CC2D2A: variants seen among roughly 807,000 people sequenced by gnomAD.
CC2D2A encodes coiled-coil and C2 domain containing 2A, also known as coiled-coil and C2 domain-containing protein 2A.
A neutral mutation model predicts 212.9 loss-of-function variants in CC2D2A; 155 were observed. The ratio of observed to expected loss-of-function variants is 0.73; its 90% confidence interval spans 0.64 to 0.83. The LOEUF (loss-of-function observed/expected upper bound fraction) is 0.83. Among genes scored for constraint, CC2D2A ranks in the 40% least tolerant of loss-of-function variants. CC2D2A has a pLI of 0.00. For missense variants in CC2D2A, 1,856 were observed against 1,956.2 expected, an observed-to-expected ratio of 0.95 and a Z score of 0.97; for synonymous variants, 667 against 686.5, an observed-to-expected ratio of 0.97 and a Z score of 0.44.
intron 2 of CC2D2A, among the ~76,000 whole-genome samples, chr4:15,478,478 G>A (rs1714386633): frequency 6.6e-6 from 1 of 152,170 alleles, no homozygotes; most frequent in South Asian, 2.1e-4. Flanking sequence ...TGAGGACCTG[G>A]AACAATGGAA....
chr4:15,576,384 TAG>T (rs1443967572), intron 29 of CC2D2A: 6 of 984,708 alleles, frequency 6.1e-6, no homozygotes, highest in East Asian at 2.3e-4. Context: ...ATTAGCAGAT[TAG>T]AGTCTCTCCT....
chr4:15,553,884 C>T (rs980167847), intron 19 of CC2D2A, among the ~76,000 whole-genome samples: 2 of 152,178 alleles, frequency 1.3e-5, no homozygotes, highest in Admixed American at 6.5e-5. Context: ...CTGTCATTCC[C>T]CAGTAGATGT....
chr4:15,590,678 A>C (rs561575745), intron 33 of CC2D2A, among the ~76,000 whole-genome samples: 2 of 152,350 alleles, frequency 1.3e-5, no homozygotes, highest in South Asian at 4.1e-4. Flanking sequence ...AGTTGTGAGA[A>C]GTGAATGAGA....
At chr4:15,558,928 G>A (rs556953234) in intron 21 of CC2D2A, among the ~76,000 whole-genome samples, 12 of 152,204 alleles carry the variant, frequency 7.9e-5, no homozygotes, top group Middle Eastern at 3.4e-3. Flanking sequence ...CTGACTTAAC[G>A]TTTTAACTTG....
At chr4:15,531,590 C>A (rs1006770567) in intron 13 of CC2D2A, among the ~76,000 whole-genome samples, 1 of 152,140 alleles carries the variant, frequency 6.6e-6, no homozygotes, top group African/African-American at 2.4e-5. Context: ...CAGACCCCAT[C>A]GATATCAGAT....
At chr4:15,596,355 TATATAC>T in intron 34 of CC2D2A, 148 bp downstream of exon 34, 1 of 585,396 alleles carries the variant, frequency 1.7e-6, no homozygotes, top group East Asian at 3.2e-5. Flanking sequence ...AAGAAACAGA[TATATAC>T]GTTTACATAT....
intron 4 of CC2D2A, among the ~76,000 whole-genome samples, chr4:15,491,268 T>C (rs556133546): frequency 1.3e-5 from 2 of 152,366 alleles, no homozygotes; most frequent in Admixed American, 1.3e-4. Context: ...GTATTATCTG[T>C]CTTTAATTAT....
At chr4:15,501,442 G>A (rs1715946747) in intron 4 of CC2D2A, among the ~76,000 whole-genome samples, 1 of 151,644 alleles carries the variant, frequency 6.6e-6, no homozygotes, top group South Asian at 2.1e-4. Context: ...CCTCCTCCCT[G>A]CACATTCTTC....
intron 4 of CC2D2A, among the ~76,000 whole-genome samples, chr4:15,494,259 G>A (rs192063767): frequency 3.4e-4 from 52 of 152,316 alleles, no homozygotes; most frequent in Middle Eastern, 3.4e-3. Context: ...GTATAAAGAA[G>A]AGCAAGGGGC....
At chr4:15,591,853 A>G (rs2148490641) in intron 33 of CC2D2A, among the ~76,000 whole-genome samples, 1 of 152,324 alleles carries the variant, frequency 6.6e-6, no homozygotes, top group African/African-American at 2.4e-5. Flanking sequence ...CAATTACTAT[A>G]TGGTTGACTA....
At position 15,514,722 on chromosome 4, in the gene CC2D2A, C is replaced by T. The variant is rs777249531; in HGVS notation, c.733C>T (p.Leu245Phe). 15 of 1,590,320 alleles carry T rather than the reference C, an allele frequency of 9.4e-6. No homozygotes were observed. The highest frequency in any genetic ancestry group is 1.7e-5 in the Admixed American group (1 of 58,554). Residue 245 changes from leucine to phenylalanine, a missense_variant, in exon 9 of 37, where the codon CTT (leucine) becomes TTT (phenylalanine). By Grantham distance (22) the Leu-to-Phe change is conservative (BLOSUM62 0). This residue lies in a region of CC2D2A where 1,512 missense variants were observed against 1,579.3 expected (regional missense o/e 0.96). Transcript: ENST00000424120. ...GGKEMDEEEL[L>F]NGDDAEDFLL... ...CATTATGCAGGATGAGGAAGAACTGCTTAATGGTGATGATGCCGAGGACTT... is the reference window on the plus strand; with the variant it reads ...CATTATGCAGGATGAGGAAGAACTGTTTAATGGTGATGATGCCGAGGACTT...
chr4:15,470,677 CTCTCTCTCTCTCTATATA>C (rs1713698331), intron 1 of CC2D2A, among the ~76,000 whole-genome samples: 2 of 77,272 alleles, frequency 2.6e-5, no homozygotes, highest in East Asian at 3.7e-4. Flanking sequence ...CTCTCTCTCT[CTCTCTCTCTCTCTATATA>C]TATATATATA....
intron 34 of CC2D2A, among the ~76,000 whole-genome samples, chr4:15,597,028 G>A (rs1009670895): frequency 3.3e-5 from 5 of 152,102 alleles, no homozygotes; most frequent in Non-Finnish European, 7.4e-5. Context: ...TGTTGTTTAG[G>A]GGTACATGTA....
At chr4:15,572,901 A>G (rs931663501) in intron 28 of CC2D2A, among the ~76,000 whole-genome samples, 2 of 152,076 alleles carry the variant, frequency 1.3e-5, no homozygotes, top group African/African-American at 4.8e-5. Flanking sequence ...GAGTCCAAAA[A>G]CTGAAGAACT....
At chr4:15,592,958 A>G (rs1373688413) in intron 33 of CC2D2A, among the ~76,000 whole-genome samples, 1 of 152,016 alleles carries the variant, frequency 6.6e-6, no homozygotes, top group Admixed American at 6.6e-5. Context: ...CCTCTCCCTT[A>G]CTTCATTCTA....
At chr4:15,505,493 T>TC (rs1486045412) in intron 6 of CC2D2A, among the ~76,000 whole-genome samples, 3 of 152,152 alleles carry the variant, frequency 2.0e-5, no homozygotes, top group African/African-American at 7.2e-5. Flanking sequence ...CTGCCAGGTG[T>TC]CCGATAGGCT....
At chr4:15,597,644 G>C (rs1721377974) in intron 35 of CC2D2A, among the ~76,000 whole-genome samples, 179 bp downstream of exon 35, 1 of 152,200 alleles carries the variant, frequency 6.6e-6, no homozygotes, top group Non-Finnish European at 1.5e-5. Context: ...GGAGCCTTTA[G>C]CATCAGCATG....
intron 4 of CC2D2A, among the ~76,000 whole-genome samples, chr4:15,502,176 A>G (rs1003369462): frequency 6.6e-6 from 1 of 152,254 alleles, no homozygotes; most frequent in African/African-American, 2.4e-5. Flanking sequence ...AGTGCTAGGC[A>G]GGACTGAGGT....
chr4:15,588,239 A>T (rs957103653), intron 32 of CC2D2A, among the ~76,000 whole-genome samples: 7 of 152,094 alleles, frequency 4.6e-5, no homozygotes, highest in Admixed American at 6.5e-5. Context: ...AAGAATTCAG[A>T]TTCCCTTAAT....
Sources: allele counts gnomAD v4.1 joint callset (sites outside exome capture counted in the v4.1 genomes callset), GRCh38; gene constraint gnomAD v4.1.1; regional missense constraint gnomAD v4.1.1; transcripts MANE v1.5; gene names NCBI Gene and HGNC (gene_info 2026-07-23, HGNC 2026-07-21).